CDON: variants seen among roughly 807,000 people sequenced by gnomAD.
The protein encoded by CDON is cell adhesion molecule-related/down-regulated by oncogenes.
In CDON, 73 loss-of-function variants were observed where a neutral mutation model predicts 120.9. That is an observed-to-expected ratio of 0.60 (90% CI 0.50 to 0.73). The LOEUF (loss-of-function observed/expected upper bound fraction) is 0.73. Ranked by LOEUF, CDON falls within the 30% of genes least tolerant of loss-of-function variation. The probability of loss-of-function intolerance (pLI) is 0.00; values close to 1 mark genes in which losing one functional copy is unlikely to be tolerated. For missense variants in CDON, 1,470 were observed against 1,587.3 expected (o/e 0.93, Z 1.26); for synonymous variants, 566 against 573.5 (o/e 0.99, Z 0.19).
Position 126,017,087 on chromosome 11 carries a change from C to G in CDON, c.928+1G>C, listed in dbSNP as rs1281309971. On this transcript the variant is annotated splice_donor_variant, in intron 6 of 19. Transcript: ENST00000531738. LOFTEE classifies it high-confidence loss of function. ...AAAAAAATTAAAAACTAACATCTTA[C>G]CAAGTACATTAACCATGTAAGTCAC... The G allele has an allele frequency of 6.2e-7, 1 of 1,613,354 alleles. No homozygotes were observed. Among genetic ancestry groups the G allele is most frequent in the Non-Finnish European group, 8.5e-7 (1 of 1,179,416 alleles).
rs144054280 is a variant in CDON at position 125,984,031 on chromosome 11, A to G, written c.2836T>C (p.Leu946=). The G allele has an allele frequency of 6.4e-5, 103 of 1,613,944 alleles. No homozygotes were observed. The highest frequency in any genetic ancestry group is 3.3e-4 in the Middle Eastern group (2 of 6,084). The change falls in exon 16 of 20, where the codon TTG becomes CTG. Residue 946 remains leucine (L), a synonymous_variant. Transcript: ENST00000531738. ...GGCCCCACATTTCCTCCACTTCCCA[A>G]AGAATTTGGAGGGGTACTCAAGTCT... ...VKDLSTPPNS[L]GSGGNVGPAT...
At chr11:126,058,475 A>G (rs899185679) in intron 1 of CDON, among the ~76,000 whole-genome samples, 1 of 152,208 alleles carries the variant, frequency 6.6e-6, no homozygotes, top group Non-Finnish European at 1.5e-5. Context: ...AAAGCTAAAC[A>G]TATCTTCAAA....
chr11:125,974,851 T>C (rs1946109673), intron 18 of CDON, among the ~76,000 whole-genome samples: 1 of 152,222 alleles, frequency 6.6e-6, no homozygotes, highest in South Asian at 2.1e-4. Flanking sequence ...TTCTTATTAC[T>C]ATGACTACCA....
chr11:125,990,876 C>G (rs1236722698), intron 14 of CDON, among the ~76,000 whole-genome samples: 1 of 152,084 alleles, frequency 6.6e-6, no homozygotes, highest in African/African-American at 2.4e-5. Context: ...CTGAAAGGCT[C>G]AAAAGTGAGG....
intron 15 of CDON, among the ~76,000 whole-genome samples, chr11:125,986,363 C>A (rs573401095): frequency 6.6e-6 from 1 of 152,058 alleles, no homozygotes; most frequent in Admixed American, 6.5e-5. Flanking sequence ...CAAACCAACA[C>A]GGCACATGTA....
chr11:126,053,756 C>G (rs953748500), intron 1 of CDON, among the ~76,000 whole-genome samples: 2 of 152,152 alleles, frequency 1.3e-5, no homozygotes, highest in Non-Finnish European at 2.9e-5. Context: ...CACTCTCATA[C>G]TCTCATAGTC....
intron 10 of CDON, among the ~76,000 whole-genome samples, chr11:126,002,956 T>A (rs756965113): frequency 6.6e-6 from 1 of 152,124 alleles, no homozygotes; most frequent in Non-Finnish European, 1.5e-5. Context: ...CCATCTCTGC[T>A]GGGAATGTTC....
At chr11:126,018,998 C>A (rs1162269489) in intron 4 of CDON, among the ~76,000 whole-genome samples, 2 of 152,204 alleles carry the variant, frequency 1.3e-5, no homozygotes, top group Non-Finnish European at 2.9e-5. Flanking sequence ...CCAAACCCAG[C>A]AGAAGCATGT....
In CDON at chr11:125,960,405, T is replaced by C. The variant is rs1945610240; in HGVS notation, c.*537A>G. 6.5e-6 allele frequency: 1 copy of C among 154,438 alleles called. No individual in the cohort carries two copies. Among genetic ancestry groups the C allele is most frequent in the Non-Finnish European group, 1.4e-5 (1 of 69,774 alleles). 9.6% of individuals were successfully genotyped at this position (154,438 alleles called of 1,614,324 possible). A position where few individuals can be genotyped will look rare whatever the true frequency, so the allele number is the denominator to read the frequency against. ...TACTCAGGAGGCTGAGGCGGGAGAA[T>C]TGCTTGAACCTGGGAGGCGGAGGTT... On this transcript the variant is annotated 3_prime_UTR_variant, in exon 20 of 20. Transcript: ENST00000531738.
chr11:126,057,861 A>G (rs1426285992), intron 1 of CDON, among the ~76,000 whole-genome samples: 4 of 152,232 alleles, frequency 2.6e-5, no homozygotes, highest in Non-Finnish European at 5.9e-5. Flanking sequence ...AATAAAAATA[A>G]CAGCAGCTAA....
At position 125,958,594 on chromosome 11, in the gene CDON, TATA is replaced by T. The variant is rs751249977; in HGVS notation, c.*2345_*2347del. 25,410 of 144,678 alleles carry T rather than the reference TATA, an allele frequency of 0.18. 2,573 individuals are homozygous for T. The highest frequency in any genetic ancestry group is 0.39 in the East Asian group (1,847 of 4,762). The allele number at this position is 144,678 out of a possible 1,614,324, so 9.0% of individuals were successfully genotyped here. On this transcript the variant is annotated 3_prime_UTR_variant, in exon 20 of 20. Transcript: ENST00000531738. ...GTGTGTGTGTGTGTGTGTGTGTGTT[TATA>T]TATATATATTTATATATTTCAATAT...
At chr11:125,966,939 G>A (rs1435507155) in intron 18 of CDON, among the ~76,000 whole-genome samples, 5 of 151,768 alleles carry the variant, frequency 3.3e-5, no homozygotes, top group Non-Finnish European at 7.4e-5. Context: ...AACAAAGCTG[G>A]GAAAATCTGT....
intron 10 of CDON, among the ~76,000 whole-genome samples, chr11:126,003,117 T>C (rs1288124410): frequency 6.6e-6 from 1 of 152,142 alleles, no homozygotes; most frequent in African/African-American, 2.4e-5. Context: ...CTAACTTATA[T>C]CTCTGTTAAC....
chr11:126,030,217 T>C (rs1947907363), intron 1 of CDON, among the ~76,000 whole-genome samples: 1 of 152,268 alleles, frequency 6.6e-6, no homozygotes, highest in Non-Finnish European at 1.5e-5. Flanking sequence ...GGAAATACTT[T>C]CCTAACGTTT....
rs147925363 is a variant in CDON at position 126,005,792 on chromosome 11, C to A, written c.1818G>T (p.Leu606=). 723 of 1,613,932 alleles carry A rather than the reference C, an allele frequency of 4.5e-4. 4 individuals carry two copies. The African/African-American group carries it at 8.0e-3, about 18-fold the overall frequency. ...ACTTCACAAAGTAAGCATTGATGGG[C>A]AGCCCACCATCCTTGCCTGCCCTCC... is the stretch of plus-strand genomic sequence containing the variant. ...LVWRAGKDGG[L]PINAYFVKYR... is the part of the protein sequence containing the mutation. The change falls in exon 9 of 20, where the codon CTG becomes CTT. Residue 606 remains leucine, a synonymous_variant. Transcript: ENST00000531738.
chr11:126,009,237 C>T (rs1357790452), intron 8 of CDON, among the ~76,000 whole-genome samples: 1 of 152,256 alleles, frequency 6.6e-6, no homozygotes, highest in African/African-American at 2.4e-5. Context: ...CCTCCAGCTT[C>T]ATTCAGAGCA....
chr11:126,045,753 C>A (rs1157884784), intron 1 of CDON, among the ~76,000 whole-genome samples: 1 of 152,126 alleles, frequency 6.6e-6, no homozygotes, highest in African/African-American at 2.4e-5. Flanking sequence ...GGCAGATCAC[C>A]TGAGGCTGGG....
chr11:125,981,729 G>A (rs574714162), intron 16 of CDON, among the ~76,000 whole-genome samples: 3 of 152,030 alleles, frequency 2.0e-5, no homozygotes, highest in African/African-American at 7.2e-5. Context: ...TCAGAGTACT[G>A]GCAATACTAG....
chr11:125,984,088 G>A lies in CDON; in HGVS notation c.2779C>T (p.Arg927Cys), dbSNP rs773221507. 8.8e-6 allele frequency: 14 copies of A among 1,597,600 alleles called. No homozygotes were observed. Among genetic ancestry groups the A allele is most frequent in the African/African-American group, 4.0e-5 (3 of 74,568 alleles). ...GGATATTCAGAAGCTCCAGGAACAC[G>A]TTTCACTAGTTGAAATATAAAGGAA... ...NVMICETKVK[R>C]VPGASEYPVK... Residue 927 changes from arginine to cysteine, a missense_variant, in exon 16 of 20, where the codon CGT (arginine) becomes TGT (cysteine). Arg to Cys is a radical substitution (Grantham distance 180). Coordinates refer to ENST00000531738, the MANE Select transcript of CDON (RefSeq NM_001378964.1).
Sources: allele counts gnomAD v4.1 joint callset (sites outside exome capture counted in the v4.1 genomes callset), GRCh38; gene constraint gnomAD v4.1.1; transcripts MANE v1.5; gene names NCBI Gene and HGNC (gene_info 2026-07-23, HGNC 2026-07-21).